The following COL18A1 variants were observed in gnomAD, a reference collection of about 807,000 sequenced individuals.
COL18A1 encodes the protein collagen alpha-1(XVIII) chain.
Under a neutral mutation model 168.0 loss-of-function variants are expected in COL18A1, and 133 were observed. That is an observed-to-expected ratio of 0.79 (90% CI 0.69 to 0.91). The LOEUF (loss-of-function observed/expected upper bound fraction) is 0.91. Among genes scored for constraint, COL18A1 ranks in the 40% least tolerant of loss-of-function variants. COL18A1 has a pLI of 0.00. For synonymous variants in COL18A1, 949 were observed against 809.0 expected (o/e 1.17, Z -2.94); for missense variants, 2,126 against 1,925.4 (o/e 1.10, Z -1.95).
rs1427307395 is a variant in COL18A1 at position 45,437,184 on chromosome 21, TCA to T, written c.107-31053_107-31052del. Among the ~76,000 whole-genome samples, 23 of 41,604 alleles carry T rather than the reference TCA, an allele frequency of 5.5e-4. 3 individuals carry two copies. Among genetic ancestry groups the T allele is most frequent in the Non-Finnish European group, 7.4e-4 (18 of 24,316 alleles). 27.3% of individuals were successfully genotyped at this position (41,604 alleles called of 152,430 possible). On this transcript the variant is annotated intron_variant, in intron 2 of 41. Transcript: ENST00000651438. ...CACAGGCACTCTCCTGCACACACAC[TCA>T]CACAGACACACAGGCACTCTCCTGC...
chr21:45,505,239 C>T lies in COL18A1; in HGVS notation c.2974C>T (p.Pro992Ser). 1.2e-6 allele frequency: 2 copies of T among 1,602,624 alleles called. No individual in the cohort carries two copies. The highest frequency in any genetic ancestry group is 1.1e-5 in the South Asian group (1 of 90,292). Residue 992 changes from proline to serine, a missense_variant, in exon 35 of 42, where the codon CCC becomes TCC. Pro to Ser is a moderately conservative substitution (Grantham distance 74). Coordinates refer to ENST00000651438, the MANE Select transcript of COL18A1 (RefSeq NM_001379500.1). ...GRQGPPGPPG[P>S]PGPPSFPGPH... ...CCAGGGCCCTCCCGGCCCCCCAGGC[C>T]CCCCAGGGCCCCCTTCATTTCCTGG...
chr21:45,500,268 TTG>T, intron 32 of COL18A1, among the ~76,000 whole-genome samples: 1 of 36,168 alleles, frequency 2.8e-5, no homozygotes, highest in African/African-American at 1.6e-4. Flanking sequence ...TATGTGGGTG[TTG>T]GGTGTGTAGT....
chr21:45,411,995 T>C (rs969339847), intron 2 of COL18A1, among the ~76,000 whole-genome samples: 8 of 152,142 alleles, frequency 5.3e-5, no homozygotes, highest in Non-Finnish European at 1.2e-4. Flanking sequence ...GCCGTCGTGT[T>C]TCTCTGGGAA....
chr21:45,505,097 G>C, intron 34 of COL18A1, 37 bp from the exon 35 acceptor site: 1 of 1,599,684 alleles, frequency 6.3e-7, no homozygotes, highest in Non-Finnish European at 8.5e-7. Flanking sequence ...TCCAGGGCAC[G>C]AGGTAACCAG....
intron 2 of COL18A1, among the ~76,000 whole-genome samples, chr21:45,435,514 G>A (rs1396196812): frequency 6.6e-6 from 1 of 152,118 alleles, no homozygotes; most frequent in Non-Finnish European, 1.5e-5. Flanking sequence ...AGTGACCCTG[G>A]GGGCTGGGGA....
At chr21:45,477,267 C>T (rs1054920952) in intron 6 of COL18A1, 144 bp from the exon 7 acceptor site, 12 of 678,620 alleles carry the variant, frequency 1.8e-5, no homozygotes, top group African/African-American at 8.8e-5. Context: ...CAGGGGAGTG[C>T]GGCCTGAGGC....
At chr21:45,469,712 T>C (rs1466959451) in intron 3 of COL18A1, among the ~76,000 whole-genome samples, 1 of 152,242 alleles carries the variant, frequency 6.6e-6, no homozygotes, top group Non-Finnish European at 1.5e-5. Context: ...CAAGCTGGCC[T>C]GCAGCTGGAC....
intron 15 of COL18A1, 67 bp downstream of exon 15, chr21:45,482,888 A>G (rs1244420185): frequency 6.2e-7 from 1 of 1,611,146 alleles, no homozygotes; most frequent in South Asian, 1.1e-5. Flanking sequence ...CGGACCCCCA[A>G]AGAGGGTGGC....
At chr21:45,504,177 C>A in intron 33 of COL18A1, 123 bp downstream of exon 33, 1 of 1,196,984 alleles carries the variant, frequency 8.4e-7, no homozygotes, top group Non-Finnish European at 1.2e-6. Flanking sequence ...GCGAGGGGCG[C>A]TGGCTCCAGA....
At position 45,432,566 on chromosome 21, in the gene COL18A1, C is replaced by T. The variant is rs567381453; in HGVS notation, c.106+27093C>T. 4.7e-4 allele frequency among the ~76,000 whole-genome samples: 71 copies of T among 152,348 alleles called. No individual in the cohort carries two copies. In the South Asian group the frequency reaches 9.3e-3, roughly 20 times the overall value. ...CCCACTTTTTGGGTGAGAACCCCCT[C>T]GAGTCCTAACATCTGCCGCATCTCA... On this transcript the variant is annotated intron_variant, in intron 2 of 41. Transcript: ENST00000651438.
chr21:45,480,333 G>T, intron 11 of COL18A1, 134 bp from the exon 12 acceptor site: 1 of 1,520,490 alleles, frequency 6.6e-7, no homozygotes, highest in South Asian at 1.2e-5. Flanking sequence ...CTTCTCTGGG[G>T]GCAGCAGAGG....
chr21:45,496,500 G>T lies in COL18A1; in HGVS notation c.2509G>T (p.Gly837Ter), dbSNP rs1223599757. 1 of 1,397,346 alleles carries T rather than the reference G, an allele frequency of 7.2e-7. No individual in the cohort carries two copies. Among genetic ancestry groups the T allele is most frequent in the South Asian group, 1.2e-5 (1 of 86,854 alleles). The allele number at this position is 1,397,346 out of a possible 1,614,324, so 86.6% of individuals were successfully genotyped here. A position where few individuals can be genotyped will look rare whatever the true frequency, so the allele number is the denominator to read the frequency against. ...TAACAGCTCTCTGCCCTCCCCACAG[G>T]GAATGCCCGGCCCCCCAGGACCTCC... ...GDASLGFGMR[G>*]MPGPPGPPGP... Residue 837 changes from glycine to a stop codon, truncating the protein, a stop_gained and splice_region_variant, in exon 30 of 42, where the codon GGA (glycine) becomes TGA (stop). Transcript: ENST00000651438. LOFTEE classifies it high-confidence loss of function.
intron 37 of COL18A1, chr21:45,507,246 G>A (rs1444217431): frequency 2.4e-6 from 1 of 417,336 alleles, no homozygotes; most frequent in Non-Finnish European, 4.4e-6. Flanking sequence ...AGGGAGAGGT[G>A]GGTGCTGGGC....
At chr21:45,511,027 CACATCCACA>C in intron 40 of COL18A1, 75 bp from the exon 41 acceptor site, 1 of 331,638 alleles carries the variant, frequency 3.0e-6, no homozygotes. Flanking sequence ...ATCCACACCC[CACATCCACA>C]CACCCCCCCA....
intron 22 of COL18A1, among the ~76,000 whole-genome samples, chr21:45,492,267 A>C (rs145968833): frequency 7.5e-4 from 114 of 152,334 alleles, no homozygotes; most frequent in African/African-American, 2.4e-3. Context: ...CCGGCAAGCA[A>C]GGGAGCGTCT....
chr21:45,486,673 G>T (rs2036125168), intron 15 of COL18A1, among the ~76,000 whole-genome samples, 188 bp from the exon 16 acceptor site: 1 of 152,256 alleles, frequency 6.6e-6, no homozygotes, highest in Non-Finnish European at 1.5e-5. Flanking sequence ...TTGTGTTTCT[G>T]TGTGGCTGAA....
intron 2 of COL18A1, among the ~76,000 whole-genome samples, chr21:45,459,662 G>T (rs2034975835): frequency 6.6e-6 from 1 of 152,224 alleles, no homozygotes; most frequent in African/African-American, 2.4e-5. Context: ...GGAGGGTTTT[G>T]CTGTGTTGTG....
chr21:45,507,687 G>A (rs2146103713), intron 38 of COL18A1, 94 bp downstream of exon 38: 1 of 1,187,962 alleles, frequency 8.4e-7, no homozygotes, highest in Middle Eastern at 1.9e-4. Context: ...GTGGTCCTTT[G>A]GAGTCCTGGA....
intron 29 of COL18A1, chr21:45,496,285 G>T (rs1403162047): frequency 1.4e-6 from 1 of 711,324 alleles, no homozygotes; most frequent in Non-Finnish European, 2.6e-6. Flanking sequence ...AGGGACGTCT[G>T]TGCACGACTC....
Sources: allele counts gnomAD v4.1 joint callset (sites outside exome capture counted in the v4.1 genomes callset), GRCh38; gene constraint gnomAD v4.1.1; transcripts MANE v1.5; gene names NCBI Gene and HGNC (gene_info 2026-07-23, HGNC 2026-07-21).